Variants in RYR2 observed in about 807,000 individuals in gnomAD.
RYR2 encodes ryanodine receptor 2.
In RYR2, 227 loss-of-function variants were observed where a neutral mutation model predicts 601.1. The observed-to-expected ratio is 0.38, with a 90% CI of 0.34 to 0.42. The LOEUF is 0.42. RYR2 is among the 10% of genes least tolerant of loss of function. RYR2 has a pLI of 1.00. For synonymous variants in RYR2, 2,223 were observed against 2,175.1 expected (o/e 1.02, Z -0.61); for missense variants, 4,646 against 6,156.5 (o/e 0.75, Z 8.21).
chr1:237,118,825 A>G (rs1286409558), intron 1 of RYR2, among the ~76,000 whole-genome samples: 1 of 152,106 alleles, frequency 6.6e-6, no homozygotes, highest in African/African-American at 2.4e-5. Flanking sequence ...CTTATTAACA[A>G]TATTTTAACA....
Position 237,788,038 on chromosome 1 carries a change from A to G in RYR2, c.13379A>G (p.Gln4460Arg), listed in dbSNP as rs762879895. ...EEKAKEDKGK[Q>R]KLRQLHTHRY... ...AAAGCCAAGGAAGACAAGGGCAAAC[A>G]AAAGTTGAGGCAGCTTCACACACAC... is the stretch of plus-strand genomic sequence containing the variant. Residue 4460 changes from glutamine (Q) to arginine (R), a missense_variant, in exon 92 of 105, where the codon CAA becomes CGA. Transcript: ENST00000366574. 1.2e-5 allele frequency: 20 copies of G among 1,609,140 alleles called. No individual in the cohort carries two copies. The highest frequency in any genetic ancestry group is 1.7e-5 in the Admixed American group (1 of 59,284).
intron 14 of RYR2, among the ~76,000 whole-genome samples, chr1:237,446,036 C>T (rs1429496374): frequency 6.6e-6 from 1 of 152,100 alleles, no homozygotes; most frequent in African/African-American, 2.4e-5. Flanking sequence ...AGGATGAACT[C>T]GATCTCTTGA....
In RYR2 at chr1:237,503,327, A is replaced by T. The variant is rs779155482; in HGVS notation, c.2435A>T (p.Lys812Ile). The change falls in exon 22 of 105, where the codon AAA (lysine) becomes ATA (isoleucine). Residue 812 changes from lysine to isoleucine, a missense_variant. Physicochemically the swap from Lys to Ile is moderately radical, Grantham distance 102. Transcript: ENST00000366574. ...CTTGGAGGGCGACATGGAGAATTCA[A>T]ATTTCTTCCTCCACCTGGGTATGCT... ...FLLGGRHGEF[K>I]FLPPPGYAPC... is the part of the protein sequence containing the mutation. The T allele has an allele frequency of 1.2e-6, 2 of 1,613,474 alleles. No homozygotes were observed. Among genetic ancestry groups the T allele is most frequent in the Non-Finnish European group, 1.7e-6 (2 of 1,179,634 alleles).
intron 3 of RYR2, among the ~76,000 whole-genome samples, chr1:237,331,982 T>C (rs958474234): frequency 6.6e-6 from 1 of 152,184 alleles, no homozygotes. Flanking sequence ...AAATTTTTTG[T>C]TTCCAGGTTT....
intron 79 of RYR2, among the ~76,000 whole-genome samples, chr1:237,737,061 A>C (rs1275273762): frequency 6.6e-6 from 1 of 152,206 alleles, no homozygotes; most frequent in Non-Finnish European, 1.5e-5. Context: ...TGGGCTGAAC[A>C]GGTAGAAGCT....
At chr1:237,803,494 G>A (rs1056269411) in intron 98 of RYR2, among the ~76,000 whole-genome samples, 1 of 152,050 alleles carries the variant, frequency 6.6e-6, no homozygotes, top group Non-Finnish European at 1.5e-5. Flanking sequence ...TAGAGACGGG[G>A]TTTCACCATG....
Position 237,698,915 on chromosome 1 carries a change from C to T in RYR2, c.9068-50C>T, listed in dbSNP as rs754324436. ...CACAAATATTGGTAGAAAAGAAGAA[C>T]ATTGAGAAATTCTCAGGGCAATTTA... On this transcript the variant is annotated intron_variant, in intron 63 of 104. Transcript: ENST00000366574. The T allele has an allele frequency of 3.1e-6, 3 of 980,410 alleles. No homozygotes were observed. The South Asian group carries it at 5.0e-5, about 16-fold the overall frequency. 60.7% of individuals were successfully genotyped at this position (980,410 alleles called of 1,614,324 possible). A position where few individuals can be genotyped will look rare whatever the true frequency, so the allele number is the denominator to read the frequency against.
chr1:237,084,798 C>T (rs962512000), intron 1 of RYR2, among the ~76,000 whole-genome samples: 5 of 152,168 alleles, frequency 3.3e-5, no homozygotes, highest in African/African-American at 4.8e-5. Flanking sequence ...ACTTGGGTCC[C>T]GACCTAATGT....
intron 2 of RYR2, among the ~76,000 whole-genome samples, chr1:237,322,562 A>G (rs1268860504): frequency 6.6e-6 from 1 of 152,192 alleles, no homozygotes; most frequent in Non-Finnish European, 1.5e-5. Flanking sequence ...TCTACAAAAT[A>G]TCCCTGTCAC....
chr1:237,686,006 A>G (rs1558218033), intron 62 of RYR2, among the ~76,000 whole-genome samples: 1 of 152,228 alleles, frequency 6.6e-6, no homozygotes, highest in Non-Finnish European at 1.5e-5. Flanking sequence ...TTACTGTAAA[A>G]GAGGTCAACC....
intron 6 of RYR2, 72 bp downstream of exon 6, chr1:237,369,680 T>A (rs1249784665): frequency 9.9e-6 from 12 of 1,208,804 alleles, no homozygotes; most frequent in African/African-American, 1.5e-5. Flanking sequence ...CTGCAAATGC[T>A]GGTAGCATCA....
At chr1:237,735,721 A>T (rs560218396) in intron 79 of RYR2, among the ~76,000 whole-genome samples, 6 of 152,322 alleles carry the variant, frequency 3.9e-5, no homozygotes, top group African/African-American at 1.4e-4. Context: ...ACCTACACAC[A>T]TCCTCCTGTA....
chr1:237,626,580 C>T (rs146420577), intron 40 of RYR2, among the ~76,000 whole-genome samples: 74 of 39,996 alleles, frequency 1.9e-3, no homozygotes, highest in Middle Eastern at 0.024. Context: ...TTTTCTTTTT[C>T]TTTTTTTTTT....
At chr1:237,568,085 G>GTA (rs1672285409) in intron 28 of RYR2, among the ~76,000 whole-genome samples, 1 of 152,134 alleles carries the variant, frequency 6.6e-6, no homozygotes, top group Admixed American at 6.5e-5. Flanking sequence ...AGAGTGGGAA[G>GTA]TAACCTGAGG....
chr1:237,740,649 T>G (rs966163032), intron 79 of RYR2, among the ~76,000 whole-genome samples: 1 of 152,144 alleles, frequency 6.6e-6, no homozygotes, highest in African/African-American at 2.4e-5. Flanking sequence ...TCATGAAATT[T>G]TTATAGAAGA....
Position 237,245,618 on chromosome 1 carries a change from A to C in RYR2, c.49-24879A>C, listed in dbSNP as rs575621266. 1.9e-4 allele frequency among the ~76,000 whole-genome samples: 29 copies of C among 152,326 alleles called. No individual in the cohort carries two copies. In the East Asian group the frequency reaches 5.6e-3, roughly 29 times the overall value. On this transcript the variant is annotated intron_variant, in intron 1 of 104. Transcript: ENST00000366574. ...ATCAAGGTGGAAGGAAAGACTCAAC[A>C]AAGATAATGTTGGGAAAGGGCCATG...
At chr1:237,190,504 T>C (rs1558396758) in intron 1 of RYR2, among the ~76,000 whole-genome samples, 1 of 152,216 alleles carries the variant, frequency 6.6e-6, no homozygotes, top group Non-Finnish European at 1.5e-5. Context: ...ATTAATTCCT[T>C]ATCAGATACA....
At chr1:237,102,406 C>T (rs1668211649) in intron 1 of RYR2, among the ~76,000 whole-genome samples, 1 of 152,206 alleles carries the variant, frequency 6.6e-6, no homozygotes, top group South Asian at 2.1e-4. Context: ...TGTTGAATGC[C>T]TCTTCTCACT....
chr1:237,588,155 G>A lies in RYR2; in HGVS notation c.3599-1638G>A, dbSNP rs1674740660. On this transcript the variant is annotated intron_variant, in intron 29 of 104. Transcript: ENST00000366574. Reference sequence around the variant, plus strand: ...CTGCAATTTTTTTTAGTTTTAACTAGAAACTCATCATTTACTCTTCCTTGA... The same window carrying A: ...CTGCAATTTTTTTTAGTTTTAACTAAAAACTCATCATTTACTCTTCCTTGA... Among the ~76,000 whole-genome samples the A allele has an allele frequency of 3.9e-5, 6 of 152,072 alleles. No individual in the cohort carries two copies. The South Asian group carries it at 1.2e-3, about 31-fold the overall frequency.
Sources: gnomAD v4.1 joint callset for allele counts (sites outside exome capture counted in the v4.1 genomes callset) on GRCh38, gnomAD v4.1.1 for gene constraint, MANE v1.5 for transcripts, NCBI Gene and HGNC (gene_info 2026-07-23, HGNC 2026-07-21) for gene names.